Variants in SSH2 observed in about 807,000 individuals in gnomAD.
SSH2 encodes the protein slingshot protein phosphatase 2.
Under a neutral mutation model 135.2 loss-of-function variants are expected in SSH2, and 37 were observed. The observed-to-expected ratio is 0.27, with a 90% CI of 0.21 to 0.36. The LOEUF is 0.36. Ranked by LOEUF, SSH2 falls within the 10% of genes least tolerant of loss-of-function variation. The pLI is 1.00. For synonymous variants in SSH2, 628 were observed against 646.2 expected, an observed-to-expected ratio of 0.97 and a Z score of 0.43; for missense variants, 1,408 against 1,765.3, an observed-to-expected ratio of 0.80 and a Z score of 3.63.
intron 2 of SSH2, among the ~76,000 whole-genome samples, chr17:29,835,541 T>G (rs2042928270): frequency 6.6e-6 from 1 of 152,176 alleles, no homozygotes; most frequent in African/African-American, 2.4e-5. Flanking sequence ...GCTCAGCTCC[T>G]GGACCAGGCC....
At chr17:29,697,755 C>A (rs1248323723) in intron 4 of SSH2, among the ~76,000 whole-genome samples, 1 of 152,124 alleles carries the variant, frequency 6.6e-6, no homozygotes, top group African/African-American at 2.4e-5. Context: ...TTTCAATTTT[C>A]AAAATTAAAA....
At chr17:29,900,199 T>G (rs1261655644) in intron 1 of SSH2, among the ~76,000 whole-genome samples, 1 of 152,144 alleles carries the variant, frequency 6.6e-6, no homozygotes, top group Non-Finnish European at 1.5e-5. Flanking sequence ...ACCTAGGCAA[T>G]ACCATTCAGG....
intron 3 of SSH2, among the ~76,000 whole-genome samples, chr17:29,762,147 C>T (rs753525978): frequency 6.6e-6 from 1 of 152,096 alleles, no homozygotes; most frequent in Non-Finnish European, 1.5e-5. Context: ...TCCCAAAGTG[C>T]TGGGATTACA....
chr17:29,835,105 A>G (rs2042921054), intron 2 of SSH2, among the ~76,000 whole-genome samples: 1 of 152,230 alleles, frequency 6.6e-6, no homozygotes, highest in Non-Finnish European at 1.5e-5. Flanking sequence ...TGACTATGGT[A>G]TATGAAACCT....
intron 2 of SSH2, among the ~76,000 whole-genome samples, chr17:29,794,511 T>C (rs2042124314): frequency 6.6e-6 from 1 of 152,222 alleles, no homozygotes. Context: ...CAATTATTTT[T>C]AATTTATTCA....
At chr17:29,736,968 G>C (rs1054092880) in intron 3 of SSH2, among the ~76,000 whole-genome samples, 1 of 144,766 alleles carries the variant, frequency 6.9e-6, no homozygotes, top group African/African-American at 2.6e-5. Context: ...GCATGGGGGT[G>C]GGCGCCTGTA....
intron 1 of SSH2, among the ~76,000 whole-genome samples, chr17:29,886,475 C>T (rs1315173444): frequency 1.3e-5 from 2 of 151,774 alleles, no homozygotes; most frequent in Non-Finnish European, 2.9e-5. Flanking sequence ...GGCCGGGTGT[C>T]GTGGCTCACA....
At chr17:29,731,251 T>A (rs2040180883) in intron 3 of SSH2, among the ~76,000 whole-genome samples, 1 of 152,144 alleles carries the variant, frequency 6.6e-6, no homozygotes, top group Non-Finnish European at 1.5e-5. Flanking sequence ...GGTGAGATAA[T>A]CCAGATTTCA....
intron 2 of SSH2, among the ~76,000 whole-genome samples, chr17:29,804,696 G>A (rs1242127225): frequency 1.3e-5 from 2 of 152,078 alleles, no homozygotes; most frequent in African/African-American, 4.8e-5. Context: ...TTTTGAGCCA[G>A]GGTCATGCTC....
chr17:29,877,278 T>C (rs1027757283), intron 1 of SSH2, among the ~76,000 whole-genome samples: 2 of 152,218 alleles, frequency 1.3e-5, no homozygotes, highest in Non-Finnish European at 2.9e-5. Context: ...TTGATCGGAA[T>C]GTAAATTAAT....
chr17:29,894,993 C>G (rs547398667), intron 1 of SSH2, among the ~76,000 whole-genome samples: 2 of 151,236 alleles, frequency 1.3e-5, no homozygotes, highest in Non-Finnish European at 1.5e-5. Context: ...CATGATCTAG[C>G]CTCTTGAGTC....
chr17:29,668,934 C>T (rs568275295), intron 9 of SSH2, among the ~76,000 whole-genome samples: 1 of 151,986 alleles, frequency 6.6e-6, no homozygotes, highest in South Asian at 2.1e-4. Flanking sequence ...TTCCCTGAGC[C>T]TCTGTTTCCT....
intron 3 of SSH2, among the ~76,000 whole-genome samples, chr17:29,753,720 G>C (rs1172749982): frequency 6.6e-6 from 1 of 151,280 alleles, no homozygotes; most frequent in Non-Finnish European, 1.5e-5. Context: ...TTGAACCTGG[G>C]AGGCAGAGGT....
intron 2 of SSH2, among the ~76,000 whole-genome samples, chr17:29,841,867 T>C (rs1022844199): frequency 6.6e-6 from 1 of 150,700 alleles, no homozygotes; most frequent in African/African-American, 2.4e-5. Flanking sequence ...GCTGGGACTA[T>C]AGGAGTACAC....
chr17:29,846,581 G>T (rs972895432), intron 2 of SSH2, among the ~76,000 whole-genome samples: 1 of 152,222 alleles, frequency 6.6e-6, no homozygotes, highest in African/African-American at 2.4e-5. Context: ...AGGAAAATGA[G>T]CACCACTCCA....
At chr17:29,802,623 A>G (rs1442646154) in intron 2 of SSH2, among the ~76,000 whole-genome samples, 29 of 151,280 alleles carry the variant, frequency 1.9e-4, no homozygotes, top group Middle Eastern at 3.4e-3. Context: ...TTCTACAAAA[A>G]AAAAAAAAAA....
chr17:29,676,915 C>T, intron 7 of SSH2, 30 bp from the exon 8 acceptor site: 1 of 1,592,886 alleles, frequency 6.3e-7, no homozygotes, highest in Non-Finnish European at 8.6e-7. Context: ...AGACAAAAAT[C>T]CACAAATTAG....
At chr17:29,915,292 T>C (rs2151479359) in intron 1 of SSH2, among the ~76,000 whole-genome samples, 1 of 152,334 alleles carries the variant, frequency 6.6e-6, no homozygotes, top group East Asian at 1.9e-4. Context: ...AAAAAGCACA[T>C]TCAGTTGCTT....
chr17:29,729,932 A>G (rs1029012190), intron 3 of SSH2, among the ~76,000 whole-genome samples: 2 of 152,142 alleles, frequency 1.3e-5, no homozygotes, highest in Non-Finnish European at 2.9e-5. Flanking sequence ...TAATGGGTAC[A>G]AAAATATAGT....
Sources: gnomAD v4.1 joint callset for allele counts (sites outside exome capture counted in the v4.1 genomes callset) on GRCh38, gnomAD v4.1.1 for gene constraint, MANE v1.5 for transcripts, NCBI Gene and HGNC (gene_info 2026-07-23, HGNC 2026-07-21) for gene names.